EVA1A: variants seen among roughly 807,000 people sequenced by gnomAD.
The protein encoded by EVA1A is protein eva-1 homolog A.
A neutral mutation model predicts 9.8 loss-of-function variants in EVA1A; 7 were observed. The observed-to-expected ratio is 0.71, with a 90% confidence interval of 0.41 to 1.34. EVA1A has a LOEUF of 1.34. EVA1A is among the 40% of genes most tolerant of loss of function. EVA1A has a pLI of 0.01. For missense variants in EVA1A, 206 were observed against 205.9 expected (o/e 1.00, Z 0.00); for synonymous variants, 90 against 85.6 (o/e 1.05, Z -0.28).
chr2:75,527,529 C>T (rs1675493561), intron 1 of EVA1A, among the ~76,000 whole-genome samples: 1 of 152,204 alleles, frequency 6.6e-6, no homozygotes, highest in Non-Finnish European at 1.5e-5. Context: ...CCAGAACTCC[C>T]ATCCCCATCC....
chr2:75,564,465 C>G (rs1007735505), upstream of EVA1A, among the ~76,000 whole-genome samples: 13 of 152,344 alleles, frequency 8.5e-5, no homozygotes, highest in Middle Eastern at 3.4e-3. Flanking sequence ...GCAGAGTGCA[C>G]AGGGCTCCCA....
At chr2:75,526,315 G>A (rs1675435643) in intron 1 of EVA1A, 1 of 152,112 alleles carries the variant, frequency 6.6e-6, no homozygotes, top group African/African-American at 2.4e-5. Flanking sequence ...TTCATAGAGA[G>A]GTAACATTCA....
intron 1 of EVA1A, among the ~76,000 whole-genome samples, chr2:75,560,224 G>C (rs990093538): frequency 2.0e-5 from 3 of 152,176 alleles, no homozygotes; most frequent in African/African-American, 7.2e-5. Flanking sequence ...CGGCGAGTTG[G>C]CTGCCTCCGA....
At chr2:75,562,935 A>G (rs1319445151), upstream of EVA1A, among the ~76,000 whole-genome samples, 1 of 152,244 alleles carries the variant, frequency 6.6e-6, no homozygotes, top group Admixed American at 6.5e-5. Flanking sequence ...AGGTGCCAAT[A>G]GGTGAGCACA....
chr2:75,533,754 G>T (rs1558684884), intron 1 of EVA1A, among the ~76,000 whole-genome samples: 2 of 150,476 alleles, frequency 1.3e-5, no homozygotes, highest in Non-Finnish European at 2.9e-5. Context: ...TGGGCAACAT[G>T]GTGAGACCCC....
At chr2:75,557,535 G>T (rs6716422) in intron 1 of EVA1A, among the ~76,000 whole-genome samples, 132,725 of 152,272 alleles carry the variant, frequency 0.87, 57,956 homozygotes, top group African/African-American at 0.91. Flanking sequence ...CATCCCTCAT[G>T]CATCAATTGG....
In EVA1A at chr2:75,492,940, T is replaced by C; in HGVS notation, c.*296A>G. On this transcript the variant is annotated 3_prime_UTR_variant, in exon 4 of 4. Transcript: ENST00000393913. ...AAGTCTGCTGAAACTTCTGAGATCC[T>C]CAGAAATCAAGAGAAACCACAGTCG... 2.6e-6 allele frequency: 1 copy of C among 387,020 alleles called. No homozygotes were observed. Among genetic ancestry groups the C allele is most frequent in the South Asian group, 5.3e-5 (1 of 18,832 alleles). 24.0% of individuals were successfully genotyped at this position (387,020 alleles called of 1,614,324 possible).
intron 3 of EVA1A, among the ~76,000 whole-genome samples, chr2:75,502,723 C>A (rs1179297783): frequency 2.6e-5 from 4 of 152,176 alleles, no homozygotes. Flanking sequence ...TTGCCAAGAT[C>A]TGGAATAATT....
intron 1 of EVA1A, among the ~76,000 whole-genome samples, chr2:75,546,551 G>A (rs1236872155): frequency 1.3e-5 from 2 of 152,042 alleles, no homozygotes; most frequent in Non-Finnish European, 2.9e-5. Context: ...GTGTATATAC[G>A]ACGTGGATGG....
intron 3 of EVA1A, among the ~76,000 whole-genome samples, chr2:75,495,242 C>T (rs939171440): frequency 5.3e-5 from 8 of 152,094 alleles, no homozygotes; most frequent in African/African-American, 1.5e-4. Context: ...GGGAGACAGA[C>T]GAAAGCAATG....
chr2:75,511,656 T>A (rs1364497563), intron 3 of EVA1A, among the ~76,000 whole-genome samples: 1 of 152,148 alleles, frequency 6.6e-6, no homozygotes, highest in East Asian at 1.9e-4. Context: ...GGGTCAAGTT[T>A]GGGAACTGGA....
chr2:75,518,120 G>A lies in EVA1A; in HGVS notation c.21C>T (p.His7=), dbSNP rs1352044866. 1.2e-5 allele frequency: 19 copies of A among 1,614,010 alleles called. No individual in the cohort carries two copies. The highest frequency in any genetic ancestry group is 1.5e-5 in the Non-Finnish European group (18 of 1,180,014). Residue 7 remains histidine, a synonymous_variant, in exon 3 of 4, where the codon CAC becomes CAT. Transcript: ENST00000393913. MRLPLS[H]SPEHVEMALL... is the part of the protein sequence containing the mutation. ...AAGCCATCTCCACGTGCTCTGGGCT[G>A]TGGCTGAGGGGCAGCCTCATGGGAC... is the stretch of plus-strand genomic sequence containing the variant.
At chr2:75,568,126 G>A (rs1464373862) in intron 1 of EVA1A, among the ~76,000 whole-genome samples, 1 of 152,058 alleles carries the variant, frequency 6.6e-6, no homozygotes, top group African/African-American at 2.4e-5. Context: ...TTTGGTCTGG[G>A]GGGCTTTTCT....
chr2:75,501,961 A>T (rs1674442559), intron 3 of EVA1A, among the ~76,000 whole-genome samples: 1 of 152,086 alleles, frequency 6.6e-6, no homozygotes, highest in Non-Finnish European at 1.5e-5. Context: ...AGTCCCCTCA[A>T]CCCAAGGAAG....
At chr2:75,556,972 T>C (rs1194898992) in intron 1 of EVA1A, among the ~76,000 whole-genome samples, 1 of 152,158 alleles carries the variant, frequency 6.6e-6, no homozygotes, top group Non-Finnish European at 1.5e-5. Context: ...TGGATGTCAA[T>C]GGATAGGAGA....
chr2:75,504,805 G>C (rs1376372359), intron 3 of EVA1A, among the ~76,000 whole-genome samples: 2 of 151,736 alleles, frequency 1.3e-5, no homozygotes, highest in African/African-American at 4.8e-5. Context: ...GGGGGGTGGG[G>C]GGCAAGGGGA....
In EVA1A at chr2:75,493,532, T is replaced by C. The variant is rs745767852; in HGVS notation, c.163A>G (p.Ile55Val). 1.5e-5 allele frequency: 24 copies of C among 1,614,014 alleles called. No individual in the cohort carries two copies. In the Admixed American group the frequency reaches 3.3e-4, roughly 22 times the overall value. Residue 55 changes from isoleucine (I) to valine (V), a missense_variant, in exon 4 of 4, where the codon ATA becomes GTA. By Grantham distance (29) the Ile-to-Val change is conservative (BLOSUM62 3). Transcript: ENST00000393913. ...GLVLTLAALV[I>V]RISCHTDCRR... ...CAGTCTGTGTGGCAAGAGATCCTTA[T>C]CACCAGAGCAGCCAGGGTCAGCACC... is the stretch of plus-strand genomic sequence containing the variant.
At chr2:75,519,004 G>A (rs1449630459) in intron 2 of EVA1A, among the ~76,000 whole-genome samples, 2 of 152,176 alleles carry the variant, frequency 1.3e-5, no homozygotes, top group Non-Finnish European at 2.9e-5. Flanking sequence ...ACATGGCCCA[G>A]ACTGCCCATC....
chr2:75,533,875 G>A (rs1375524506), intron 1 of EVA1A, among the ~76,000 whole-genome samples: 5 of 151,748 alleles, frequency 3.3e-5, no homozygotes, highest in Non-Finnish European at 5.9e-5. Flanking sequence ...GCAGTGGCGC[G>A]ATCTTGGCTC....
Sources: gnomAD v4.1 joint callset for allele counts (sites outside exome capture counted in the v4.1 genomes callset) on GRCh38, gnomAD v4.1.1 for gene constraint, MANE v1.5 for transcripts, NCBI Gene and HGNC (gene_info 2026-07-23, HGNC 2026-07-21) for gene names.